PDIA5: variants seen among roughly 807,000 people sequenced by gnomAD.
PDIA5 encodes the protein protein disulfide isomerase family A member 5, also known as protein disulfide-isomerase A5.
In PDIA5, 58 loss-of-function variants were observed where a neutral mutation model predicts 77.6. The observed-to-expected ratio is 0.75, with a 90% CI of 0.61 to 0.93. The LOEUF is 0.93. Ranked by LOEUF, PDIA5 falls within the 40% of genes least tolerant of loss-of-function variation. PDIA5 has a pLI of 0.00. For missense variants in PDIA5, 630 were observed against 647.7 expected (o/e 0.97, Z 0.30); for synonymous variants, 250 against 252.1 (o/e 0.99, Z 0.08).
chr3:123,144,193 A>C (rs1325712160), intron 11 of PDIA5, among the ~76,000 whole-genome samples: 2 of 152,156 alleles, frequency 1.3e-5, no homozygotes, highest in Admixed American at 1.3e-4. Flanking sequence ...GCTCAGTGGG[A>C]GGTCTCCTCT....
chr3:123,152,099 GCCTTCCTTCCTT>G (rs55766491), intron 14 of PDIA5, among the ~76,000 whole-genome samples: 1 of 79,508 alleles, frequency 1.3e-5, no homozygotes, highest in Non-Finnish European at 2.7e-5. Context: ...CTGCCTTCCT[GCCTTCCTTCCTT>G]CCTTCCTTCC....
At chr3:123,130,455 G>C (rs1283722354) in intron 10 of PDIA5, 25 bp from the exon 11 acceptor site, 2 of 1,608,830 alleles carry the variant, frequency 1.2e-6, no homozygotes, top group Non-Finnish European at 8.5e-7. Flanking sequence ...CCTGCTCTGA[G>C]CTCTGCCTGT....
Position 123,155,018 on chromosome 3 carries a change from G to A in PDIA5, c.1321G>A (p.Asp441Asn). The A allele has an allele frequency of 6.2e-7, 1 of 1,612,252 alleles. No individual in the cohort carries two copies. Among genetic ancestry groups the A allele is most frequent in the Non-Finnish European group, 8.5e-7 (1 of 1,178,286 alleles). ...CATTCCGCACTTTACTGCTACTGCT[G>A]ATGCCTTCAAAGATGACCGAAAGGT... ...KVIPHFTATA[D>N]AFKDDRKIAC... Residue 441 changes from aspartate (D) to asparagine (N), a missense_variant, in exon 15 of 17, where the codon GAT (aspartate) becomes AAT (asparagine). Asp to Asn is a conservative substitution (Grantham distance 23, BLOSUM62 1). Coordinates refer to ENST00000316218, the MANE Select transcript of PDIA5 (RefSeq NM_006810.4).
At chr3:123,146,691 A>T (rs951347932) in intron 13 of PDIA5, among the ~76,000 whole-genome samples, 1 of 152,238 alleles carries the variant, frequency 6.6e-6, no homozygotes, top group African/African-American at 2.4e-5. Context: ...AACTGAGGAT[A>T]AAGATTTTGA....
At chr3:123,138,607 CTT>C (rs1455654037) in intron 11 of PDIA5, among the ~76,000 whole-genome samples, 2 of 152,174 alleles carry the variant, frequency 1.3e-5, no homozygotes, top group Admixed American at 1.3e-4. Context: ...AAAACAAACT[CTT>C]TGCATAAGAA....
At chr3:123,108,885 C>CAAAAAAAAAAAA (rs375336044) in intron 6 of PDIA5, among the ~76,000 whole-genome samples, 13 of 151,290 alleles carry the variant, frequency 8.6e-5, no homozygotes, top group African/African-American at 3.2e-4. Context: ...GACTCCTTCT[C>CAAAAAAAAAAAA]AAAAAAAAGC....
intron 1 of PDIA5, among the ~76,000 whole-genome samples, chr3:123,076,508 G>C (rs1933863945): frequency 6.6e-6 from 1 of 152,180 alleles, no homozygotes; most frequent in Non-Finnish European, 1.5e-5. Context: ...AAATGCTACT[G>C]TAACTCACTG....
rs552704297 is a variant in PDIA5 at position 123,137,541 on chromosome 3, T to C, written c.910+6925T>C. Among the ~76,000 whole-genome samples the C allele has an allele frequency of 4.6e-5, 7 of 152,366 alleles. 1 individual carries two copies. The South Asian group carries it at 1.4e-3, about 32-fold the overall frequency. ...GCTGAGTAATAGCTATTATATTTAT[T>C]GGTCACTGATCACACTTACTATGGA... On this transcript the variant is annotated intron_variant, in intron 11 of 16. Coordinates refer to ENST00000316218, the MANE Select transcript of PDIA5 (RefSeq NM_006810.4).
At chr3:123,142,717 G>A (rs761540176) in intron 11 of PDIA5, among the ~76,000 whole-genome samples, 1 of 152,218 alleles carries the variant, frequency 6.6e-6, no homozygotes, top group Non-Finnish European at 1.5e-5. Context: ...CAGCCTCTGG[G>A]GGGGCCGAGC....
At chr3:123,093,425 G>A (rs1429325633) in intron 3 of PDIA5, among the ~76,000 whole-genome samples, 2 of 152,192 alleles carry the variant, frequency 1.3e-5, no homozygotes, top group African/African-American at 4.8e-5. Context: ...TGCTCTGTGT[G>A]ACTGGCAAAG....
chr3:123,119,920 A>C (rs1309824816), intron 8 of PDIA5, among the ~76,000 whole-genome samples: 1 of 152,208 alleles, frequency 6.6e-6, no homozygotes, highest in East Asian at 1.9e-4. Context: ...TTAGGAAGGA[A>C]GGCATGCCAG....
At chr3:123,132,708 G>A (rs1935398550) in intron 11 of PDIA5, among the ~76,000 whole-genome samples, 1 of 152,220 alleles carries the variant, frequency 6.6e-6, no homozygotes, top group African/African-American at 2.4e-5. Context: ...GCTGCTGGAA[G>A]CGAGTCTTGC....
chr3:123,086,911 A>G (rs1934154452), intron 1 of PDIA5, among the ~76,000 whole-genome samples: 1 of 152,240 alleles, frequency 6.6e-6, no homozygotes. Context: ...ACAGAATTCC[A>G]GTTAGAAATC....
At chr3:123,106,913 G>C (rs1435105344) in intron 6 of PDIA5, 72 bp downstream of exon 6, 1 of 1,017,592 alleles carries the variant, frequency 9.8e-7, no homozygotes, top group Non-Finnish European at 1.5e-6. Flanking sequence ...AAGGAAAGGA[G>C]CCCAACGAAC....
intron 15 of PDIA5, among the ~76,000 whole-genome samples, chr3:123,156,118 G>A (rs144498811): frequency 6.6e-6 from 1 of 152,298 alleles, no homozygotes; most frequent in East Asian, 1.9e-4. Flanking sequence ...CAGAGATACA[G>A]GTGCTAGGAT....
At chr3:123,119,206 T>C (rs1935054525) in intron 8 of PDIA5, among the ~76,000 whole-genome samples, 1 of 152,150 alleles carries the variant, frequency 6.6e-6, no homozygotes, top group Non-Finnish European at 1.5e-5. Flanking sequence ...CAGGGAGCTA[T>C]GATTGCACCA....
chr3:123,154,878 G>T, intron 14 of PDIA5, 93 bp from the exon 15 acceptor site: 1 of 831,808 alleles, frequency 1.2e-6, no homozygotes. Flanking sequence ...CTCCTGGAGA[G>T]CCCTCTCTGG....
chr3:123,138,761 C>T (rs966484318), intron 11 of PDIA5, among the ~76,000 whole-genome samples: 1 of 152,098 alleles, frequency 6.6e-6, no homozygotes, highest in Non-Finnish European at 1.5e-5. Flanking sequence ...CCCCTCCACG[C>T]CCGTATTTCT....
chr3:123,101,996 G>C (rs1934612055), intron 3 of PDIA5, among the ~76,000 whole-genome samples: 1 of 130,152 alleles, frequency 7.7e-6, no homozygotes, highest in Admixed American at 9.2e-5. Flanking sequence ...TGCAACCTCT[G>C]CCTCCTGGGT....
Sources: gnomAD v4.1 joint callset for allele counts (sites outside exome capture counted in the v4.1 genomes callset) on GRCh38, gnomAD v4.1.1 for gene constraint, MANE v1.5 for transcripts, NCBI Gene and HGNC (gene_info 2026-07-23, HGNC 2026-07-21) for gene names.